The following MYOCD variants were observed in gnomAD, a reference collection of about 807,000 sequenced individuals.
The protein encoded by MYOCD is myocardin.
MYOCD carries 32 observed loss-of-function variants against 96.1 expected under a neutral mutation model. The observed-to-expected ratio is 0.33, with a 90% confidence interval of 0.25 to 0.45. MYOCD has a LOEUF of 0.45. MYOCD is among the 20% of genes least tolerant of loss of function. MYOCD has a pLI of 1.00. For synonymous variants in MYOCD, 469 were observed against 469.0 expected, an observed-to-expected ratio of 1.00 and a Z score of 0.00; for missense variants, 1,133 against 1,200.6, an observed-to-expected ratio of 0.94 and a Z score of 0.83.
chr17:12,706,529 AAG>A (rs764151534), intron 2 of MYOCD, among the ~76,000 whole-genome samples: 48 of 152,218 alleles, frequency 3.2e-4, no homozygotes, highest in Non-Finnish European at 6.5e-4. Context: ...ACCTTTCCGT[AAG>A]CCCAAGTTGT....
chr17:12,676,638 A>T (rs1210335561), intron 1 of MYOCD, among the ~76,000 whole-genome samples: 1 of 152,164 alleles, frequency 6.6e-6, no homozygotes, highest in African/African-American at 2.4e-5. Flanking sequence ...AGGCCATGGG[A>T]GGTTTAAGTT....
In MYOCD at chr17:12,739,310, C is replaced by T. The variant is rs769209806; in HGVS notation, c.699C>T (p.Ala233=). ...TTGGCCCCCCCAGCACCCCCATAGC[C>T]GTGCATGCTGCTGTAAAGGTACGGA... ...QGLGPPSTPI[A]VHAAVKSKSL... is the part of the protein sequence containing the mutation. Residue 233 remains alanine, a synonymous_variant, in exon 7 of 14, where the codon GCC becomes GCT. Coordinates refer to ENST00000425538, the MANE Select transcript of MYOCD (RefSeq NM_001146312.3). 10 of 1,602,568 alleles carry T rather than the reference C, an allele frequency of 6.2e-6. No homozygotes were observed. The highest frequency in any genetic ancestry group is 1.7e-5 in the Admixed American group (1 of 57,326).
intron 2 of MYOCD, among the ~76,000 whole-genome samples, chr17:12,714,473 A>T (rs1432254433): frequency 2.0e-5 from 3 of 152,130 alleles, no homozygotes; most frequent in Admixed American, 2.0e-4. Flanking sequence ...ACTCGGGATC[A>T]TGTGATTCCT....
intron 9 of MYOCD, among the ~76,000 whole-genome samples, chr17:12,747,561 G>C (rs2094564124): frequency 6.6e-6 from 1 of 152,084 alleles, no homozygotes; most frequent in African/African-American, 2.4e-5. Context: ...GTGGAGCATT[G>C]AACCTAGAAG....
chr17:12,685,332 C>G (rs1289795066), intron 1 of MYOCD, among the ~76,000 whole-genome samples: 1 of 149,510 alleles, frequency 6.7e-6, no homozygotes, highest in African/African-American at 2.5e-5. Flanking sequence ...GGGCTGGGCA[C>G]AGTGGCTCAC....
chr17:12,714,665 A>G (rs1225330793), intron 2 of MYOCD, among the ~76,000 whole-genome samples: 1 of 152,166 alleles, frequency 6.6e-6, no homozygotes, highest in East Asian at 1.9e-4. Flanking sequence ...TCTTTGCTCA[A>G]AGGAGTTTAT....
chr17:12,668,536 C>T (rs1909496739), intron 1 of MYOCD, among the ~76,000 whole-genome samples: 1 of 152,156 alleles, frequency 6.6e-6, no homozygotes, highest in South Asian at 2.1e-4. Context: ...TGAGTGACCT[C>T]GTGATTAAGG....
chr17:12,755,487 GTAA>G (rs1430264986), intron 10 of MYOCD, among the ~76,000 whole-genome samples: 2 of 151,972 alleles, frequency 1.3e-5, no homozygotes, highest in Non-Finnish European at 2.9e-5. Flanking sequence ...GCTCATGCCT[GTAA>G]TCCCAGCACT....
At chr17:12,714,129 G>A (rs961290648) in intron 2 of MYOCD, among the ~76,000 whole-genome samples, 2 of 152,042 alleles carry the variant, frequency 1.3e-5, no homozygotes, top group African/African-American at 4.8e-5. Context: ...CATTGTTAAT[G>A]TTGGGGTGAA....
chr17:12,730,931 A>G lies in MYOCD; in HGVS notation c.416-5230A>G, dbSNP rs561944326. On this transcript the variant is annotated intron_variant, in intron 5 of 13. Coordinates refer to ENST00000425538, the MANE Select transcript of MYOCD (RefSeq NM_001146312.3). Reference sequence around the variant, plus strand: ...TTTAATCTTGGCATTTTAAATGTTTATGCAAAGAAAGTACAGCTGACTCAT... The same window carrying G: ...TTTAATCTTGGCATTTTAAATGTTTGTGCAAAGAAAGTACAGCTGACTCAT... 2.1e-4 allele frequency among the ~76,000 whole-genome samples: 32 copies of G among 152,344 alleles called. No homozygotes were observed. In the East Asian group the frequency reaches 5.6e-3, roughly 27 times the overall value.
chr17:12,683,048 A>G (rs1039939966), intron 1 of MYOCD, among the ~76,000 whole-genome samples: 5 of 152,152 alleles, frequency 3.3e-5, no homozygotes, highest in African/African-American at 1.2e-4. Context: ...ATAAGCTGGA[A>G]TTGGGGATTT....
intron 2 of MYOCD, among the ~76,000 whole-genome samples, chr17:12,711,670 C>T (rs2031483912): frequency 6.6e-6 from 1 of 152,158 alleles, no homozygotes; most frequent in East Asian, 1.9e-4. Flanking sequence ...TCTGGACAGA[C>T]ATACTCTTTC....
Position 12,710,028 on chromosome 17 carries a change from C to G in MYOCD, c.121+4835C>G, listed in dbSNP as rs1185558320. On this transcript the variant is annotated intron_variant, in intron 2 of 13. Transcript: ENST00000425538. ...TTAATCCTCTGCTGTGAGAAAGGCT[C>G]TGGGGAACACACACAGAGAAGTCAG... Among the ~76,000 whole-genome samples, 4 of 152,270 alleles carry G rather than the reference C, an allele frequency of 2.6e-5. No homozygotes were observed. The East Asian group carries it at 7.7e-4, about 29-fold the overall frequency.
intron 5 of MYOCD, among the ~76,000 whole-genome samples, chr17:12,725,524 ATATG>A (rs2031971004): frequency 6.7e-6 from 1 of 148,622 alleles, no homozygotes; most frequent in Non-Finnish European, 1.5e-5. Context: ...ATATAAAACT[ATATG>A]TATGAATTAT....
intron 6 of MYOCD, 88 bp downstream of exon 6, chr17:12,736,424 T>G: frequency 7.2e-7 from 1 of 1,387,670 alleles, no homozygotes; most frequent in South Asian, 1.3e-5. Flanking sequence ...TGTTAACAGC[T>G]GGTTTTGCTT....
intron 1 of MYOCD, among the ~76,000 whole-genome samples, chr17:12,674,016 C>T (rs1909867665): frequency 6.6e-6 from 1 of 152,146 alleles, no homozygotes; most frequent in Admixed American, 6.5e-5. Flanking sequence ...AAATATGACT[C>T]ATGCCTCATC....
intron 9 of MYOCD, among the ~76,000 whole-genome samples, chr17:12,748,178 A>C (rs1468898302): frequency 7.3e-5 from 10 of 137,424 alleles, no homozygotes; most frequent in Non-Finnish European, 1.4e-4. Context: ...AAAAAAAAAA[A>C]CAAAAAAACA....
At chr17:12,758,356 A>G (rs529774573) in intron 12 of MYOCD, 143 bp downstream of exon 12, 1 of 1,233,552 alleles carries the variant, frequency 8.1e-7, no homozygotes, top group African/African-American at 1.5e-5. Context: ...CAAATTATCT[A>G]GACAATAATT....
Position 12,713,886 on chromosome 17 carries a change from G to T in MYOCD, c.122-1633G>T, listed in dbSNP as rs79382860. ...CTGAGTTGGGAGAAATGGGAGAAAA[G>T]GGTCATCTAAAAAGGGAGGTTTTGC... On this transcript the variant is annotated intron_variant, in intron 2 of 13. Transcript: ENST00000425538. Among the ~76,000 whole-genome samples, 1,472 of 152,226 alleles carry T rather than the reference G, an allele frequency of 9.7e-3. 15 individuals are homozygous for T. The highest frequency in any genetic ancestry group is 0.034 in the African/African-American group (1,406 of 41,518).
Sources: allele counts gnomAD v4.1 joint callset (sites outside exome capture counted in the v4.1 genomes callset), GRCh38; gene constraint gnomAD v4.1.1; transcripts MANE v1.5; gene names NCBI Gene and HGNC (gene_info 2026-07-23, HGNC 2026-07-21).